Variants in BICC1 observed in about 807,000 individuals in gnomAD.
The protein encoded by BICC1 is BicC family RNA binding protein 1, also known as protein bicaudal C homolog 1.
In BICC1, 43 loss-of-function variants were observed where a neutral mutation model predicts 111.0. The ratio of observed to expected loss-of-function variants is 0.39; its 90% CI spans 0.30 to 0.50. The LOEUF is 0.50. Among genes scored for constraint, BICC1 ranks in the 20% least tolerant of loss-of-function variants. The probability of loss-of-function intolerance (pLI) is 0.88; values close to 1 mark genes in which losing one functional copy is unlikely to be tolerated. For missense variants in BICC1, 1,091 were observed against 1,203.2 expected (o/e 0.91, Z 1.38); for synonymous variants, 467 against 434.4 (o/e 1.07, Z -0.93).
At chr10:58,758,900 C>T (rs976508994) in intron 3 of BICC1, among the ~76,000 whole-genome samples, 1 of 151,618 alleles carries the variant, frequency 6.6e-6, no homozygotes, top group African/African-American at 2.4e-5. Context: ...TCCAATTTAG[C>T]TTCCCAAGGA....
At chr10:58,810,553 T>C (rs1264966332) in intron 17 of BICC1, among the ~76,000 whole-genome samples, 1 of 152,090 alleles carries the variant, frequency 6.6e-6, no homozygotes, top group African/African-American at 2.4e-5. Flanking sequence ...CTTTGAAATG[T>C]AAGAAAGGGC....
At chr10:58,731,389 T>A (rs1177878302) in intron 3 of BICC1, among the ~76,000 whole-genome samples, 1 of 152,194 alleles carries the variant, frequency 6.6e-6, no homozygotes, top group Non-Finnish European at 1.5e-5. Context: ...TCTTCCTGTC[T>A]TCTTCTGAGC....
intron 1 of BICC1, among the ~76,000 whole-genome samples, chr10:58,598,318 C>G (rs960120356): frequency 1.3e-5 from 2 of 152,064 alleles, no homozygotes; most frequent in Admixed American, 6.5e-5. Flanking sequence ...AGATATGGAC[C>G]AATGGAACAG....
At chr10:58,806,198 C>G (rs962881555) in intron 15 of BICC1, among the ~76,000 whole-genome samples, 2 of 152,086 alleles carry the variant, frequency 1.3e-5, no homozygotes, top group African/African-American at 4.8e-5. Context: ...CCAATAGATA[C>G]ATGACAGCAT....
At chr10:58,725,679 G>C (rs1841082899) in intron 3 of BICC1, among the ~76,000 whole-genome samples, 1 of 152,186 alleles carries the variant, frequency 6.6e-6, no homozygotes, top group African/African-American at 2.4e-5. Context: ...GAATTTTTCA[G>C]ATGGTGAGCC....
At chr10:58,567,496 C>T (rs1843805818) in intron 1 of BICC1, among the ~76,000 whole-genome samples, 1 of 151,162 alleles carries the variant, frequency 6.6e-6, no homozygotes, top group Admixed American at 6.6e-5. Context: ...ACATGTATGT[C>T]TTTTGGGGTG....
intron 1 of BICC1, among the ~76,000 whole-genome samples, chr10:58,517,990 ATAT>A (rs5785325): frequency 0.54 from 81,690 of 151,614 alleles, 23,027 homozygotes; most frequent in African/African-American, 0.71. Context: ...AGCTATCTAA[ATAT>A]TATTATTGGC....
rs747230043 is a variant in BICC1, at chr10:58,828,831, G to A, written c.2865G>A (p.Ala955=). ...GCACCTCTTTCCTGGAAGGTGGAGC[G>A]AGTGGAAGGCTACCCCGTCAGTATC... is the stretch of plus-strand genomic sequence containing the variant. ...NARTSFLEGG[A]SGRLPRQYHS... is the part of the protein sequence containing the mutation. Residue 955 remains alanine, a synonymous_variant, in exon 21 of 21, where the codon GCG becomes GCA. Transcript: ENST00000373886. The A allele has an allele frequency of 2.5e-6, 4 of 1,613,952 alleles. No individual in the cohort carries two copies. In the East Asian group the frequency reaches 6.7e-5, roughly 27 times the overall value.
At chr10:58,683,545 C>G (rs898466063) in intron 2 of BICC1, among the ~76,000 whole-genome samples, 7 of 152,286 alleles carry the variant, frequency 4.6e-5, no homozygotes, top group East Asian at 1.9e-4. Context: ...TTTGTGTCCT[C>G]TTTTATTTCG....
chr10:58,795,180 A>G lies in BICC1; in HGVS notation c.1180-1160A>G, dbSNP rs180826347. Among the ~76,000 whole-genome samples, 572 of 152,308 alleles carry G rather than the reference A, an allele frequency of 3.8e-3. 2 individuals carry two copies. The highest frequency in any genetic ancestry group is 6.8e-3 in the Non-Finnish European group (464 of 68,030). ...TTTAAATTTTGAAACTATAAATCTT[A>G]TATGCATAGAATGGTGTATATATAA... On this transcript the variant is annotated intron_variant, in intron 9 of 20. Transcript: ENST00000373886.
intron 2 of BICC1, among the ~76,000 whole-genome samples, chr10:58,628,427 T>G (rs1415977358): frequency 6.6e-6 from 1 of 152,204 alleles, no homozygotes; most frequent in East Asian, 1.9e-4. Context: ...GTAGTGTTAA[T>G]TTTTAGAAAA....
intron 20 of BICC1, chr10:58,824,141 G>T: frequency 1.0e-6 from 1 of 976,040 alleles, no homozygotes; most frequent in Non-Finnish European, 1.2e-6. Context: ...CTGATGCCTT[G>T]GTTGGTCTTC....
chr10:58,766,055 T>C (rs1842447042), intron 3 of BICC1, among the ~76,000 whole-genome samples: 1 of 152,216 alleles, frequency 6.6e-6, no homozygotes, highest in South Asian at 2.1e-4. Flanking sequence ...AAATATTCCC[T>C]TTTGGCTCAC....
intron 1 of BICC1, among the ~76,000 whole-genome samples, chr10:58,610,324 G>T (rs1467040455): frequency 6.6e-6 from 1 of 152,006 alleles, no homozygotes; most frequent in East Asian, 1.9e-4. Context: ...ATTGTTCCTG[G>T]CATTGGAATA....
chr10:58,689,174 G>A (rs1589024900), intron 2 of BICC1, among the ~76,000 whole-genome samples: 1 of 152,178 alleles, frequency 6.6e-6, no homozygotes, highest in East Asian at 1.9e-4. Context: ...CTTTCACACT[G>A]ATGGTTGGTA....
intron 3 of BICC1, among the ~76,000 whole-genome samples, chr10:58,706,291 T>C (rs1589043643): frequency 6.6e-6 from 1 of 152,356 alleles, no homozygotes; most frequent in East Asian, 1.9e-4. Context: ...AATTGCATTC[T>C]TAACAAATTT....
intron 1 of BICC1, among the ~76,000 whole-genome samples, chr10:58,570,303 A>G (rs112301375): frequency 1.8e-3 from 281 of 152,312 alleles, no homozygotes; most frequent in African/African-American, 6.3e-3. Context: ...ATCTTTGGCT[A>G]AGGTTATCTC....
chr10:58,577,760 T>C (rs371219632), intron 1 of BICC1, among the ~76,000 whole-genome samples: 2 of 152,322 alleles, frequency 1.3e-5, no homozygotes, highest in South Asian at 2.1e-4. Flanking sequence ...TAATCTAAAA[T>C]ATGTCCTTAA....
At chr10:58,605,661 A>G (rs1013672922) in intron 1 of BICC1, among the ~76,000 whole-genome samples, 23 of 152,278 alleles carry the variant, frequency 1.5e-4, no homozygotes, top group African/African-American at 5.1e-4. Context: ...TACTTACAAT[A>G]CCTGATACAA....
Sources: gnomAD v4.1 joint callset for allele counts (sites outside exome capture counted in the v4.1 genomes callset) on GRCh38, gnomAD v4.1.1 for gene constraint, MANE v1.5 for transcripts, NCBI Gene and HGNC (gene_info 2026-07-23, HGNC 2026-07-21) for gene names.